The following EPM2A variants were observed in gnomAD, a reference collection of about 807,000 sequenced individuals.
The protein encoded by EPM2A is EPM2A glucan phosphatase, laforin.
EPM2A carries 21 observed loss-of-function variants against 26.5 expected under a neutral mutation model. The ratio of observed to expected loss-of-function variants is 0.79; its 90% CI spans 0.56 to 1.14. EPM2A has a LOEUF of 1.14. Ranked by LOEUF, EPM2A falls within the 50% of genes most tolerant of loss-of-function variation. EPM2A has a pLI of 0.00. For synonymous variants in EPM2A, 217 were observed against 177.6 expected, an observed-to-expected ratio of 1.22 and a Z score of -1.76; for missense variants, 458 against 440.8, an observed-to-expected ratio of 1.04 and a Z score of -0.35.
intron 1 of EPM2A, among the ~76,000 whole-genome samples, chr6:145,696,901 G>C (rs1781621008): frequency 1.3e-5 from 2 of 149,606 alleles, no homozygotes; most frequent in Non-Finnish European, 3.0e-5. Flanking sequence ...TGAAATTTTG[G>C]ATACATGAGC....
chr6:145,592,983 C>G (rs943615615), intron 2 of EPM2A, among the ~76,000 whole-genome samples: 2 of 151,898 alleles, frequency 1.3e-5, no homozygotes, highest in Non-Finnish European at 1.5e-5. Flanking sequence ...TATAAATAAT[C>G]TAAACACACC....
chr6:145,562,363 GA>G (rs1177041663), intron 2 of EPM2A, among the ~76,000 whole-genome samples: 1 of 150,532 alleles, frequency 6.6e-6, no homozygotes, highest in East Asian at 1.9e-4. Context: ...CACCAAAAAA[GA>G]AAAAAAAAGA....
chr6:145,649,066 CAA>C lies in EPM2A; in HGVS notation c.477-13582_477-13581del, dbSNP rs544105453. Among the ~76,000 whole-genome samples the C allele has an allele frequency of 2.4e-3, 373 of 152,274 alleles. 3 individuals are homozygous for C. The highest frequency in any genetic ancestry group is 8.4e-3 in the African/African-American group (350 of 41,564). Reference sequence around the variant, plus strand: ...TTATTAATTATGCTTGTGACCTTTGCAAAGTCATCTGAACCTCTCGTGGCCTC... The same window carrying C: ...TTATTAATTATGCTTGTGACCTTTGCAGTCATCTGAACCTCTCGTGGCCTC... On this transcript the variant is annotated intron_variant, in intron 2 of 3. Transcript: ENST00000367519.
intron 4 of EPM2A, among the ~76,000 whole-genome samples, chr6:145,475,994 G>C (rs569514858): frequency 2.0e-5 from 3 of 151,786 alleles, no homozygotes; most frequent in Non-Finnish European, 4.4e-5. Flanking sequence ...TGGTGAAATG[G>C]ATGAAAAAAC....
chr6:145,517,553 C>T (rs1386254865), intron 2 of EPM2A, among the ~76,000 whole-genome samples: 2 of 152,128 alleles, frequency 1.3e-5, no homozygotes, highest in Non-Finnish European at 2.9e-5. Flanking sequence ...TTATCACAGG[C>T]AGAAGAGCTT....
chr6:145,507,767 G>A (rs978529046), intron 2 of EPM2A, among the ~76,000 whole-genome samples: 1 of 152,198 alleles, frequency 6.6e-6, no homozygotes. Flanking sequence ...AGCAGTAGAT[G>A]CTAGAATTAG....
At chr6:145,710,806 T>C (rs1338563669) in intron 1 of EPM2A, among the ~76,000 whole-genome samples, 1 of 151,212 alleles carries the variant, frequency 6.6e-6, no homozygotes, top group Non-Finnish European at 1.5e-5. Flanking sequence ...AAATAATGAG[T>C]TCATGTCCTT....
At chr6:145,430,366 A>G (rs990496195) in intron 4 of EPM2A, among the ~76,000 whole-genome samples, 32 of 151,516 alleles carry the variant, frequency 2.1e-4, no homozygotes, top group Admixed American at 1.3e-3. Context: ...TTGGGAGGCC[A>G]AGGCGGCCGG....
chr6:145,734,434 A>C (rs1776696337), intron 1 of EPM2A: 1 of 152,176 alleles, frequency 6.6e-6, no homozygotes, highest in Non-Finnish European at 1.5e-5. Context: ...GAAACACTGT[A>C]AGTTTTCACT....
At chr6:145,551,470 A>G (rs978767752) in intron 2 of EPM2A, among the ~76,000 whole-genome samples, 2 of 152,046 alleles carry the variant, frequency 1.3e-5, no homozygotes, top group African/African-American at 4.8e-5. Context: ...CCTAAATGAC[A>G]TTAAAGGGAA....
At chr6:145,552,655 A>T (rs1780671760) in intron 2 of EPM2A, among the ~76,000 whole-genome samples, 1 of 152,160 alleles carries the variant, frequency 6.6e-6, no homozygotes, top group Non-Finnish European at 1.5e-5. Context: ...TATATTGATA[A>T]ATATGTGAGC....
chr6:145,457,826 T>C (rs952402133), intron 4 of EPM2A, among the ~76,000 whole-genome samples: 1 of 152,240 alleles, frequency 6.6e-6, no homozygotes, highest in Non-Finnish European at 1.5e-5. Context: ...AAAACCTTTG[T>C]ATTTGTAATA....
chr6:145,628,594 G>A (rs1008788812), intron 3 of EPM2A: 2 of 152,208 alleles, frequency 1.3e-5, no homozygotes, highest in African/African-American at 4.8e-5. Context: ...TTATTTCAAA[G>A]GGAAAGGAAG....
chr6:145,480,528 T>A (rs1779601159), intron 4 of EPM2A, among the ~76,000 whole-genome samples: 1 of 152,112 alleles, frequency 6.6e-6, no homozygotes, highest in Non-Finnish European at 1.5e-5. Context: ...AGAAATATGA[T>A]TTGCAAATAT....
rs1775876162 is a variant in EPM2A, at chr6:145,627,257, CA to C, written c.*158del. On this transcript the variant is annotated 3_prime_UTR_variant, in exon 4 of 4. Transcript: ENST00000367519. ...GTATTTCAAAAATACAGCCCCAAAA[CA>C]AAGCATAATCGAAAGTCATCCCAGG... The C allele has an allele frequency of 2.0e-6, 3 of 1,534,876 alleles. No homozygotes were observed. In the African/African-American group the frequency reaches 4.1e-5, roughly 21 times the overall value.
chr6:145,610,744 T>C (rs1015989094), intron 2 of EPM2A, among the ~76,000 whole-genome samples: 1 of 152,228 alleles, frequency 6.6e-6, no homozygotes, highest in Non-Finnish European at 1.5e-5. Context: ...TTGATATCCT[T>C]CTTCAGACTT....
chr6:145,660,479 C>G (rs554836853), intron 2 of EPM2A, among the ~76,000 whole-genome samples: 1 of 152,294 alleles, frequency 6.6e-6, no homozygotes, highest in East Asian at 1.9e-4. Flanking sequence ...ACTCCAATAT[C>G]TAACTCCTAG....
chr6:145,656,672 T>A (rs975860502), intron 2 of EPM2A, among the ~76,000 whole-genome samples: 1 of 152,170 alleles, frequency 6.6e-6, no homozygotes, highest in Non-Finnish European at 1.5e-5. Flanking sequence ...GATGTCAACA[T>A]CATAGAAAAC....
intron 3 of EPM2A, among the ~76,000 whole-genome samples, chr6:145,502,072 T>C (rs1779897916): frequency 6.6e-6 from 1 of 152,138 alleles, no homozygotes; most frequent in Non-Finnish European, 1.5e-5. Flanking sequence ...TAATTGGACA[T>C]TGGGAGAAAC....
Sources: allele counts gnomAD v4.1 joint callset (sites outside exome capture counted in the v4.1 genomes callset), GRCh38; gene constraint gnomAD v4.1.1; transcripts MANE v1.5; gene names NCBI Gene and HGNC (gene_info 2026-07-23, HGNC 2026-07-21).